DIAPH2: variants seen among roughly 807,000 people sequenced by gnomAD.
The protein encoded by DIAPH2 is diaphanous related formin 2.
A neutral mutation model predicts 92.7 loss-of-function variants in DIAPH2; 35 were observed. The ratio of observed to expected loss-of-function variants is 0.38; its 90% confidence interval spans 0.29 to 0.50. DIAPH2 has a LOEUF of 0.50. DIAPH2 is among the 20% of genes least tolerant of loss of function. The pLI, the probability that DIAPH2 is intolerant of heterozygous loss-of-function variation, is 0.94. For synonymous variants in DIAPH2, 301 were observed against 280.4 expected (o/e 1.07, Z -0.73); for missense variants, 701 against 819.5 (o/e 0.86, Z 1.77).
chrX:97,139,911 A>T (rs2067198665), intron 21 of DIAPH2, among the ~76,000 whole-genome samples: 1 of 111,134 alleles, frequency 9.0e-6, no homozygotes, highest in African/African-American at 3.3e-5. Flanking sequence ...CTGTTTTTAT[A>T]TTTCCTTTCC....
At chrX:97,104,306 A>T (rs2066924571) in intron 20 of DIAPH2, among the ~76,000 whole-genome samples, 1 of 111,775 alleles carries the variant, frequency 8.9e-6, no homozygotes, top group Non-Finnish European at 1.9e-5. Context: ...TTGATAACAT[A>T]AAAGAATTTA....
chrX:97,033,139 A>G (rs948796280), intron 17 of DIAPH2, among the ~76,000 whole-genome samples: 4 of 112,010 alleles, frequency 3.6e-5, no homozygotes, highest in Non-Finnish European at 7.5e-5. Context: ...AATATGCTAT[A>G]AAAATTTTGT....
chrX:97,192,961 C>T (rs2067667041), intron 22 of DIAPH2, among the ~76,000 whole-genome samples: 1 of 109,608 alleles, frequency 9.1e-6, no homozygotes. Flanking sequence ...CAACAAATTC[C>T]CTCTCTTTTT....
intron 26 of DIAPH2, among the ~76,000 whole-genome samples, chrX:97,589,007 A>ATATATATATATATG (rs2071497720): frequency 1.4e-5 from 1 of 70,546 alleles, no homozygotes; most frequent in Non-Finnish European, 2.8e-5. Context: ...ATATATATAT[A>ATATATATATATATG]TATATATATA....
At chrX:96,747,206 A>G (rs1301489668) in intron 3 of DIAPH2, among the ~76,000 whole-genome samples, 1 of 111,755 alleles carries the variant, frequency 8.9e-6, no homozygotes, top group Non-Finnish European at 1.9e-5. Flanking sequence ...AAGTAAACCC[A>G]TAGAAATTTC....
chrX:96,762,667 C>G (rs188062704), intron 4 of DIAPH2, among the ~76,000 whole-genome samples: 4,173 of 109,498 alleles, frequency 0.038, 92 homozygotes, highest in Non-Finnish European at 0.059. Context: ...TGATAGTATA[C>G]CTGCCATAAG....
intron 17 of DIAPH2, among the ~76,000 whole-genome samples, chrX:96,978,186 G>A (rs1462985462): frequency 2.7e-5 from 3 of 111,382 alleles, no homozygotes; most frequent in Non-Finnish European, 3.8e-5. Context: ...ATTTAGAGAG[G>A]TTCAAATCTG....
At chrX:97,520,980 T>C (rs1485857001) in intron 26 of DIAPH2, among the ~76,000 whole-genome samples, 2 of 111,768 alleles carry the variant, frequency 1.8e-5, no homozygotes, top group Admixed American at 9.5e-5. Flanking sequence ...TAAATGTGTC[T>C]CCCCAGAATT....
chrX:96,959,063 A>C (rs1052847104), intron 16 of DIAPH2, among the ~76,000 whole-genome samples: 16 of 111,741 alleles, frequency 1.4e-4, no homozygotes, highest in Middle Eastern at 4.6e-3. Flanking sequence ...ATGAGGGTGC[A>C]GGTATCTCTT....
chrX:96,698,129 A>C (rs1405762981), intron 1 of DIAPH2, among the ~76,000 whole-genome samples: 2 of 111,856 alleles, frequency 1.8e-5, no homozygotes, highest in Admixed American at 9.5e-5. Context: ...TGCATATTGC[A>C]TATGATTTTC....
chrX:97,214,075 GACCCTA>G (rs1409760333), intron 22 of DIAPH2, among the ~76,000 whole-genome samples: 1 of 111,506 alleles, frequency 9.0e-6, no homozygotes, highest in African/African-American at 3.3e-5. Flanking sequence ...GTAATGAAAG[GACCCTA>G]ACATCCATAT....
At chrX:97,312,977 G>A (rs955216996) in intron 23 of DIAPH2, among the ~76,000 whole-genome samples, 2 of 109,914 alleles carry the variant, frequency 1.8e-5, no homozygotes, top group Non-Finnish European at 3.8e-5. Context: ...AGGAGATCGA[G>A]ACCATCCTGT....
intron 23 of DIAPH2, among the ~76,000 whole-genome samples, chrX:97,301,958 T>TAA (rs1309000821): frequency 1.8e-5 from 2 of 111,229 alleles, no homozygotes; most frequent in African/African-American, 6.6e-5. Context: ...CTCACGCCTG[T>TAA]AATCCCAGCA....
chrX:97,111,826 A>G (rs2066982566), intron 20 of DIAPH2, among the ~76,000 whole-genome samples: 1 of 112,115 alleles, frequency 8.9e-6, no homozygotes, highest in Non-Finnish European at 1.9e-5. Flanking sequence ...TCAGGTTTCC[A>G]ACATAAAATT....
intron 4 of DIAPH2, among the ~76,000 whole-genome samples, chrX:96,856,217 T>A (rs762408898): frequency 2.7e-5 from 3 of 111,607 alleles, no homozygotes; most frequent in Admixed American, 9.6e-5. Context: ...ACTGTGTACC[T>A]GACCTGTTGA....
At chrX:96,934,305 T>A (rs752986855) in intron 10 of DIAPH2, among the ~76,000 whole-genome samples, 29 of 112,063 alleles carry the variant, frequency 2.6e-4, no homozygotes, top group Non-Finnish European at 3.9e-4. Flanking sequence ...AGATTGTCTT[T>A]AAAATCCTTA....
chrX:96,830,239 A>G (rs1165302857), intron 4 of DIAPH2, among the ~76,000 whole-genome samples: 1 of 111,541 alleles, frequency 9.0e-6, no homozygotes, highest in African/African-American at 3.2e-5. Flanking sequence ...CATATGGCAA[A>G]GGGCTCATTA....
At position 97,397,075 on chromosome X, in the gene DIAPH2, A is replaced by C. The variant is rs747195292; in HGVS notation, c.3145+13031A>C. On this transcript the variant is annotated intron_variant, in intron 25 of 26. Transcript: ENST00000324765. ...CAACCTATAAAGTATATAGTATCTT[A>C]ACTTGTTAGTGGGATAAAATGGAAA... Among the ~76,000 whole-genome samples the C allele has an allele frequency of 5.4e-5, 6 of 112,100 alleles. No individual in the cohort carries two copies. The East Asian group carries it at 1.7e-3, about 31-fold the overall frequency.
At chrX:97,178,203 C>T (rs763666927) in intron 22 of DIAPH2, among the ~76,000 whole-genome samples, 6 of 110,277 alleles carry the variant, frequency 5.4e-5, no homozygotes, top group Non-Finnish European at 9.5e-5. Context: ...CACACCACTG[C>T]GCTCCAGCCT....
Sources: allele counts gnomAD v4.1 joint callset (sites outside exome capture counted in the v4.1 genomes callset), GRCh38; gene constraint gnomAD v4.1.1; transcripts MANE v1.5; gene names NCBI Gene and HGNC (gene_info 2026-07-23, HGNC 2026-07-21).